The following MTM1 variants were observed in gnomAD, a reference collection of about 807,000 sequenced individuals.
The protein encoded by MTM1 is myotubularin 1.
In MTM1, 9 loss-of-function variants were observed where a neutral mutation model predicts 52.1. The ratio of observed to expected loss-of-function variants is 0.17; its 90% CI spans 0.10 to 0.30. The LOEUF is 0.30. Among genes scored for constraint, MTM1 ranks in the 10% least tolerant of loss-of-function variants. MTM1 has a pLI of 1.00. For synonymous variants in MTM1, 136 were observed against 163.8 expected (o/e 0.83, Z 1.29); for missense variants, 277 against 470.7 (o/e 0.59, Z 3.81).
chrX:150,611,557 A>G (rs1234535663), intron 4 of MTM1, among the ~76,000 whole-genome samples: 4 of 112,172 alleles, frequency 3.6e-5, no homozygotes, highest in Non-Finnish European at 5.6e-5. Context: ...CTTTGTACCT[A>G]TTACTGAGTT....
rs782339255 is a variant in MTM1, at chrX:150,619,205, A to G, written c.444+66A>G. The G allele has an allele frequency of 9.2e-5, 70 of 759,225 alleles. 1 individual carries two copies. In the South Asian group the frequency reaches 1.4e-3, roughly 15 times the overall value. The allele number at this position is 759,225 out of a possible 1,213,427, so 62.6% of individuals were successfully genotyped here. A position where few individuals can be genotyped will look rare whatever the true frequency, so the allele number is the denominator to read the frequency against. ...TGCCTCCTCTGTGAAAACTGCCTGC[A>G]AACTGGGATCCTCTTTCTTTTAATG... On this transcript the variant is annotated intron_variant, in intron 6 of 14. Coordinates refer to ENST00000370396, the MANE Select transcript of MTM1 (RefSeq NM_000252.3).
chrX:150,653,906 G>A (rs952952729), intron 10 of MTM1, among the ~76,000 whole-genome samples: 1 of 111,767 alleles, frequency 8.9e-6, no homozygotes, highest in Non-Finnish European at 1.9e-5. Context: ...CACTTTATGG[G>A]GAGCATCTTT....
intron 10 of MTM1, among the ~76,000 whole-genome samples, chrX:150,652,692 C>T (rs782125782): frequency 8.2e-4 from 74 of 89,880 alleles, no homozygotes; most frequent in South Asian, 6.6e-3. Context: ...CACACACACA[C>T]ACATACATAC....
Position 150,598,661 on chromosome X carries a change from G to A in MTM1, c.206G>A (p.Arg69His), listed in dbSNP as rs782277980. ...GGAAGAGTTTACATCACAAATTATC[G>A]TCTTTATTTAAGAAGTTTGGAAACG... ...IKGRVYITNY[R>H]LYLRSLETDS... Residue 69 changes from arginine (R) to histidine (H), a missense_variant, in exon 4 of 15, where the codon CGT becomes CAT. Arg to His is a conservative substitution (Grantham distance 29). Transcript: ENST00000370396. 19 of 1,191,755 alleles carry A rather than the reference G, an allele frequency of 1.6e-5. No individual in the cohort carries two copies. The highest frequency in any genetic ancestry group is 3.0e-5 in the East Asian group (1 of 33,650).
chrX:150,571,767 C>T (rs1012387207), intron 1 of MTM1, among the ~76,000 whole-genome samples: 1 of 111,983 alleles, frequency 8.9e-6, no homozygotes, highest in South Asian at 3.7e-4. Flanking sequence ...GCTATATTCC[C>T]TTTACCATTT....
intron 5 of MTM1, among the ~76,000 whole-genome samples, chrX:150,615,703 G>A (rs189493878): frequency 4.2e-4 from 47 of 111,837 alleles, no homozygotes; most frequent in Admixed American, 6.6e-4. Context: ...AACCAACATT[G>A]TGTGCTTATA....
chrX:150,663,053 T>G (rs17253127), intron 13 of MTM1, among the ~76,000 whole-genome samples: 32,603 of 111,238 alleles, frequency 0.29, 3,576 homozygotes, highest in South Asian at 0.51. Flanking sequence ...TGGAAAAGTT[T>G]TAAAAGTCAT....
At chrX:150,602,157 T>C (rs190555389) in intron 4 of MTM1, among the ~76,000 whole-genome samples, 3 of 112,315 alleles carry the variant, frequency 2.7e-5, no homozygotes, top group Non-Finnish European at 5.6e-5. Context: ...AAACTTTTAA[T>C]ATGTCTTTTC....
intron 4 of MTM1, among the ~76,000 whole-genome samples, chrX:150,609,193 G>T (rs1557412912): frequency 9.0e-6 from 1 of 111,259 alleles, no homozygotes; most frequent in Admixed American, 9.5e-5. Context: ...TTTCAAAGTG[G>T]TGTGAGCCAA....
chrX:150,610,878 A>G (rs2039263733), intron 4 of MTM1, among the ~76,000 whole-genome samples: 1 of 112,151 alleles, frequency 8.9e-6, no homozygotes, highest in African/African-American at 3.2e-5. Flanking sequence ...TGTTGATGCT[A>G]GAGTATCAGA....
rs2148511855 is a variant in MTM1, at chrX:150,660,409, T to C, written c.1392T>C (p.Ile464=). The C allele has an allele frequency of 8.3e-7, 1 of 1,202,577 alleles. No individual in the cohort carries two copies. Among genetic ancestry groups the C allele is most frequent in the Non-Finnish European group, 1.1e-6 (1 of 887,037 alleles). ...TTGAATTCAATGAACAATTTTTGAT[T>C]ATAATTTTGGATCATCTGTATAGTT... ...TAFEFNEQFL[I]IILDHLYSCR... is the part of the protein sequence containing the mutation. The change falls in exon 13 of 15, where the codon ATT becomes ATC. Residue 464 remains isoleucine (I), a synonymous_variant. Coordinates refer to ENST00000370396, the MANE Select transcript of MTM1 (RefSeq NM_000252.3).
chrX:150,568,756 G>C (rs1249500666), intron 1 of MTM1, 94 bp downstream of exon 1: 3 of 113,340 alleles, frequency 2.6e-5, no homozygotes, highest in African/African-American at 9.6e-5. Flanking sequence ...GACTCCTTGG[G>C]CCAGCGGGTC....
chrX:150,652,381 C>CA (rs1397464591), intron 10 of MTM1, among the ~76,000 whole-genome samples: 3 of 106,980 alleles, frequency 2.8e-5, no homozygotes, highest in African/African-American at 1.0e-4. Flanking sequence ...AACAAAAAGA[C>CA]AAAAAATAGT....
chrX:150,583,108 T>G (rs2038620201), intron 1 of MTM1, among the ~76,000 whole-genome samples: 1 of 83,377 alleles, frequency 1.2e-5, no homozygotes, highest in Non-Finnish European at 2.2e-5. Context: ...TATATATAAA[T>G]TATAAATTAT....
intron 4 of MTM1, among the ~76,000 whole-genome samples, chrX:150,610,317 C>T (rs2039252069): frequency 9.0e-6 from 1 of 111,186 alleles, no homozygotes; most frequent in African/African-American, 3.3e-5. Flanking sequence ...CCCTGAACTC[C>T]ATGTGGGCAA....
At chrX:150,608,177 G>C (rs955535001) in intron 4 of MTM1, among the ~76,000 whole-genome samples, 2 of 111,108 alleles carry the variant, frequency 1.8e-5, no homozygotes, top group African/African-American at 6.6e-5. Flanking sequence ...CCTCGGCCTT[G>C]CCCACCCTGT....
At chrX:150,659,069 G>T (rs1294174537) in intron 11 of MTM1, among the ~76,000 whole-genome samples, 5 of 111,206 alleles carry the variant, frequency 4.5e-5, no homozygotes, top group African/African-American at 1.6e-4. Flanking sequence ...TAGCCAGGCT[G>T]GTCTCAAACT....
chrX:150,577,407 G>A (rs1188358889), intron 1 of MTM1, among the ~76,000 whole-genome samples: 1 of 112,636 alleles, frequency 8.9e-6, no homozygotes, highest in African/African-American at 3.2e-5. Context: ...AAGTGGCCAT[G>A]CCATTGTGCC....
rs1461831976 is a variant in MTM1 at position 150,672,182 on chromosome X, G to C, written c.*587G>C. The stretch of plus-strand genomic sequence containing the variant: ...AGTTTTTCATTATTTGGAAATTTAG[G>C]GGTAGAAAATGTTTTCCCCTAATTT... On this transcript the variant is annotated 3_prime_UTR_variant, in exon 15 of 15. Transcript: ENST00000370396. 1 of 111,832 alleles carries C rather than the reference G, an allele frequency of 8.9e-6. No individual in the cohort carries two copies. Among genetic ancestry groups the C allele is most frequent in the Non-Finnish European group, 1.9e-5 (1 of 53,071 alleles). The allele number at this position is 111,832 out of a possible 1,213,427, so 9.2% of individuals were successfully genotyped here.
Sources: allele counts gnomAD v4.1 joint callset (sites outside exome capture counted in the v4.1 genomes callset), GRCh38; gene constraint gnomAD v4.1.1; transcripts MANE v1.5; gene names NCBI Gene and HGNC (gene_info 2026-07-23, HGNC 2026-07-21).